The following TMEM74 variants were observed in gnomAD, a reference collection of about 807,000 sequenced individuals.
The protein encoded by TMEM74 is transmembrane protein 74.
TMEM74 carries 13 observed loss-of-function variants against 18.1 expected under a neutral mutation model. The ratio of observed to expected loss-of-function variants is 0.72; its 90% confidence interval spans 0.47 to 1.14. The LOEUF (loss-of-function observed/expected upper bound fraction) is 1.14, where lower values mean the gene tolerates loss of function less well. Ranked by LOEUF, TMEM74 falls within the 50% of genes most tolerant of loss-of-function variation. TMEM74 has a pLI of 0.00. For missense variants in TMEM74, 372 were observed against 375.9 expected, an observed-to-expected ratio of 0.99 and a Z score of 0.09; for synonymous variants, 159 against 146.6, an observed-to-expected ratio of 1.08 and a Z score of -0.61.
At chr8:108,732,595 A>T (rs902149682) in intron 1 of TMEM74, among the ~76,000 whole-genome samples, 3 of 152,160 alleles carry the variant, frequency 2.0e-5, no homozygotes, top group African/African-American at 7.2e-5. Flanking sequence ...ATGATAAAAT[A>T]ATTTTCAACA....
At chr8:108,644,140 G>A (rs1414209310) in intron 2 of TMEM74, among the ~76,000 whole-genome samples, 1 of 152,054 alleles carries the variant, frequency 6.6e-6, no homozygotes. Flanking sequence ...TACCGTATTG[G>A]TATAAAAACA....
intron 1 of TMEM74, among the ~76,000 whole-genome samples, chr8:108,761,787 G>A (rs1489093781): frequency 6.6e-6 from 1 of 151,890 alleles, no homozygotes; most frequent in African/African-American, 2.4e-5. Context: ...AAAAAGCTAG[G>A]CAATTCCCTT....
At chr8:108,676,975 C>T (rs567627938) in intron 1 of TMEM74, among the ~76,000 whole-genome samples, 4 of 152,314 alleles carry the variant, frequency 2.6e-5, no homozygotes, top group Non-Finnish European at 5.9e-5. Context: ...TTAGCCTGGA[C>T]GTTGGTCACA....
intron 1 of TMEM74, among the ~76,000 whole-genome samples, chr8:108,755,069 A>C (rs1396023571): frequency 6.6e-6 from 1 of 152,064 alleles, no homozygotes; most frequent in Admixed American, 6.6e-5. Flanking sequence ...TTTAGCCAAA[A>C]TATCTGGGCT....
chr8:108,747,805 C>T (rs1029453404), intron 1 of TMEM74, among the ~76,000 whole-genome samples: 4 of 144,158 alleles, frequency 2.8e-5, no homozygotes, highest in Non-Finnish European at 4.5e-5. Context: ...TAAGTGAGAA[C>T]ATGCAGTATT....
intron 1 of TMEM74, among the ~76,000 whole-genome samples, chr8:108,730,294 T>A (rs28615454): frequency 0.051 from 7,803 of 152,170 alleles, 534 homozygotes; most frequent in African/African-American, 0.16. Context: ...GCTCTCTGAT[T>A]CTCTGGCAAT....
At chr8:108,758,639 C>T (rs897318430) in intron 1 of TMEM74, among the ~76,000 whole-genome samples, 2 of 151,996 alleles carry the variant, frequency 1.3e-5, no homozygotes, top group Non-Finnish European at 2.9e-5. Flanking sequence ...TAAATGAGAT[C>T]AAAGTGGTAT....
At chr8:108,746,261 A>T (rs1813847501) in intron 1 of TMEM74, among the ~76,000 whole-genome samples, 1 of 152,144 alleles carries the variant, frequency 6.6e-6, no homozygotes, top group South Asian at 2.1e-4. Context: ...ATCCAGAGAG[A>T]TAAATGGTTG....
chr8:108,682,615 G>A (rs1367474436), intron 1 of TMEM74, among the ~76,000 whole-genome samples: 1 of 151,974 alleles, frequency 6.6e-6, no homozygotes, highest in Non-Finnish European at 1.5e-5. Flanking sequence ...ATAAATAAAT[G>A]AAGAAAATGG....
At chr8:108,725,523 G>A (rs1813628592) in intron 1 of TMEM74, among the ~76,000 whole-genome samples, 1 of 152,132 alleles carries the variant, frequency 6.6e-6, no homozygotes, top group African/African-American at 2.4e-5. Context: ...AACATACTCA[G>A]CTATGTTCTC....
chr8:108,717,942 G>GTTT (rs869263977), intron 1 of TMEM74, among the ~76,000 whole-genome samples: 518 of 45,896 alleles, frequency 0.011, 103 homozygotes, highest in Non-Finnish European at 0.016. Flanking sequence ...TCTGACTTAG[G>GTTT]TTTTTTTTTT....
At chr8:108,777,628 T>G (rs1045529403), downstream of TMEM74, among the ~76,000 whole-genome samples, 11 of 152,202 alleles carry the variant, frequency 7.2e-5, no homozygotes, top group Non-Finnish European at 1.6e-4. Flanking sequence ...CAGTATAAAT[T>G]GATGTTTTTA....
chr8:108,708,254 C>CT (rs35851810), intron 1 of TMEM74, among the ~76,000 whole-genome samples: 51 of 143,356 alleles, frequency 3.6e-4, no homozygotes, highest in South Asian at 9.0e-4. Flanking sequence ...TATGTAACAC[C>CT]TTTTTTTTTT....
At chr8:108,745,694 C>T (rs1281248753) in intron 1 of TMEM74, among the ~76,000 whole-genome samples, 1 of 152,048 alleles carries the variant, frequency 6.6e-6, no homozygotes, top group Non-Finnish European at 1.5e-5. Flanking sequence ...GGAGACACCC[C>T]TCATATCGTC....
chr8:108,611,493 T>C (rs761191218), intron 2 of TMEM74, among the ~76,000 whole-genome samples: 14 of 152,240 alleles, frequency 9.2e-5, no homozygotes, highest in South Asian at 2.1e-4. Flanking sequence ...GGGTATTTTT[T>C]AGTTTTCTAG....
At chr8:108,616,592 T>C (rs1812386274) in intron 2 of TMEM74, among the ~76,000 whole-genome samples, 2 of 152,186 alleles carry the variant, frequency 1.3e-5, no homozygotes, top group Non-Finnish European at 1.5e-5. Context: ...ATATATGTTC[T>C]TGGAAAACAC....
chr8:108,776,709 T>C (rs1814236863), downstream of TMEM74, among the ~76,000 whole-genome samples: 1 of 150,250 alleles, frequency 6.7e-6, no homozygotes, highest in Non-Finnish European at 1.5e-5. Flanking sequence ...GCAAGAGACA[T>C]ACAAATAAGC....
chr8:108,710,727 T>C (rs1157527183), intron 1 of TMEM74, among the ~76,000 whole-genome samples: 1 of 152,196 alleles, frequency 6.6e-6, no homozygotes, highest in Non-Finnish European at 1.5e-5. Context: ...AGCTTAACTC[T>C]TTCTCTCTCT....
intron 1 of TMEM74, among the ~76,000 whole-genome samples, chr8:108,748,881 G>A (rs1169881727): frequency 6.6e-6 from 1 of 151,926 alleles, no homozygotes; most frequent in Non-Finnish European, 1.5e-5. Flanking sequence ...TTTTTGTCAA[G>A]TTTGTCAAAG....
Sources: gnomAD v4.1 joint callset for allele counts (sites outside exome capture counted in the v4.1 genomes callset) on GRCh38, gnomAD v4.1.1 for gene constraint, MANE v1.5 for transcripts, NCBI Gene and HGNC (gene_info 2026-07-23, HGNC 2026-07-21) for gene names.